Variants in KDM4C observed in about 807,000 individuals in gnomAD.
KDM4C encodes the protein lysine-specific demethylase 4C.
KDM4C carries 81 observed loss-of-function variants against 129.3 expected under a neutral mutation model. The observed-to-expected ratio is 0.63, with a 90% confidence interval of 0.52 to 0.75. The LOEUF is 0.75. KDM4C is among the 30% of genes least tolerant of loss of function. The pLI is 0.00. For missense variants in KDM4C, 1,457 were observed against 1,304.0 expected (o/e 1.12, Z -1.81); for synonymous variants, 573 against 456.1 (o/e 1.26, Z -3.26).
At chr9:7,138,644 T>C (rs6477163) in intron 19 of KDM4C, among the ~76,000 whole-genome samples, 130,829 of 151,894 alleles carry the variant, frequency 0.86, 56,724 homozygotes, top group African/African-American at 0.95. Context: ...GAAAGACCTC[T>C]TCTTTACAAA....
intron 8 of KDM4C, among the ~76,000 whole-genome samples, chr9:6,942,309 G>GTGTGTC (rs1826104496): frequency 6.6e-6 from 1 of 151,702 alleles, no homozygotes. Flanking sequence ...GTGTGTGTGT[G>GTGTGTC]TGTGTGTGTG....
intron 11 of KDM4C, 113 bp downstream of exon 11, chr9:6,986,779 A>T: frequency 2.7e-6 from 2 of 740,882 alleles, no homozygotes; most frequent in Admixed American, 2.9e-5. Context: ...ATAACATTTT[A>T]CATTTATGGG....
intron 8 of KDM4C, among the ~76,000 whole-genome samples, chr9:6,915,840 T>G (rs1397411277): frequency 6.6e-6 from 1 of 152,200 alleles, no homozygotes; most frequent in Non-Finnish European, 1.5e-5. Flanking sequence ...AAGTGTCAGG[T>G]TGCAGTTTGC....
At chr9:7,066,686 T>C (rs1291328042) in intron 17 of KDM4C, among the ~76,000 whole-genome samples, 1 of 152,222 alleles carries the variant, frequency 6.6e-6, no homozygotes, top group African/African-American at 2.4e-5. Flanking sequence ...CATGAAACAC[T>C]ATGCATTGTA....
chr9:6,760,575 TTTATTTA>T, intron 1 of KDM4C, among the ~76,000 whole-genome samples: 1 of 150,810 alleles, frequency 6.6e-6, no homozygotes, highest in East Asian at 1.9e-4. Flanking sequence ...TATTTATTTA[TTTATTTA>T]TTTTTTGAGA....
intron 15 of KDM4C, among the ~76,000 whole-genome samples, chr9:7,024,756 C>G (rs1825510045): frequency 6.6e-6 from 1 of 152,112 alleles, no homozygotes; most frequent in African/African-American, 2.4e-5. Flanking sequence ...GGGTTGATTC[C>G]AAGTCTTTGC....
At chr9:6,946,990 C>T (rs1463300338) in intron 8 of KDM4C, among the ~76,000 whole-genome samples, 2 of 152,176 alleles carry the variant, frequency 1.3e-5, no homozygotes, top group East Asian at 3.9e-4. Context: ...CCCAACTGGT[C>T]TAAGTCATAG....
At chr9:6,903,161 T>C (rs1053980239) in intron 8 of KDM4C, among the ~76,000 whole-genome samples, 3 of 152,204 alleles carry the variant, frequency 2.0e-5, no homozygotes, top group Non-Finnish European at 4.4e-5. Flanking sequence ...TTGTAAGGCC[T>C]GATAATCATT....
At chr9:7,092,106 C>G (rs1223859927) in intron 17 of KDM4C, among the ~76,000 whole-genome samples, 1 of 152,176 alleles carries the variant, frequency 6.6e-6, no homozygotes, top group Non-Finnish European at 1.5e-5. Flanking sequence ...TTATTACATT[C>G]TGCTGTTTCT....
intron 10 of KDM4C, among the ~76,000 whole-genome samples, chr9:6,985,084 C>T (rs1372849443): frequency 6.6e-6 from 1 of 152,162 alleles, no homozygotes; most frequent in Non-Finnish European, 1.5e-5. Flanking sequence ...AATCCGACTC[C>T]CTCTGCTGCT....
At chr9:6,974,332 C>G (rs1196486305) in intron 8 of KDM4C, among the ~76,000 whole-genome samples, 1 of 152,128 alleles carries the variant, frequency 6.6e-6, no homozygotes, top group East Asian at 1.9e-4. Flanking sequence ...TTATATTCAA[C>G]AATATGCATC....
At chr9:6,810,876 A>AAAAT (rs200594931) in intron 3 of KDM4C, among the ~76,000 whole-genome samples, 8 of 151,978 alleles carry the variant, frequency 5.3e-5, no homozygotes, top group Non-Finnish European at 8.8e-5. Flanking sequence ...TGTCTCCAAA[A>AAAAT]AAATAAATAA....
chr9:7,122,695 C>T (rs73639817), intron 18 of KDM4C, among the ~76,000 whole-genome samples: 377 of 152,226 alleles, frequency 2.5e-3, no homozygotes, highest in African/African-American at 8.4e-3. Flanking sequence ...ATGTCTGTAA[C>T]GTTTTTTTAC....
At chr9:6,855,860 G>A (rs1564169729) in intron 5 of KDM4C, among the ~76,000 whole-genome samples, 1 of 152,168 alleles carries the variant, frequency 6.6e-6, no homozygotes, top group Non-Finnish European at 1.5e-5. Flanking sequence ...GAGTTGGGGA[G>A]CCCCACTATT....
intron 18 of KDM4C, among the ~76,000 whole-genome samples, chr9:7,106,949 A>C (rs1837760962): frequency 6.6e-6 from 1 of 152,208 alleles, no homozygotes; most frequent in Admixed American, 6.5e-5. Context: ...GCTTGAAAAA[A>C]ATAGGGTAAA....
chr9:6,721,161 C>T, intron 1 of KDM4C: 1 of 451,960 alleles, frequency 2.2e-6, no homozygotes, highest in South Asian at 2.7e-5. Context: ...GCAGCCTCAA[C>T]ATCCCAGGCT....
intron 8 of KDM4C, among the ~76,000 whole-genome samples, chr9:6,910,364 C>G (rs1819067998): frequency 6.6e-6 from 1 of 152,038 alleles, no homozygotes; most frequent in Non-Finnish European, 1.5e-5. Context: ...TTACAACTGT[C>G]CTATAGAATA....
rs1817052445 is a variant in KDM4C, at chr9:6,899,605, G to T, written c.921+6373G>T. ...TAGCTCATGAGAAACCTCTACCTCTGGAGAGAGTGTTCACACATCTGGAAG... is the reference window on the plus strand; with the variant it reads ...TAGCTCATGAGAAACCTCTACCTCTTGAGAGAGTGTTCACACATCTGGAAG... On this transcript the variant is annotated intron_variant, in intron 8 of 21. Transcript: ENST00000381309. Among the ~76,000 whole-genome samples, 3 of 151,584 alleles carry T rather than the reference G, an allele frequency of 2.0e-5. No individual in the cohort carries two copies. The South Asian group carries it at 6.3e-4, about 32-fold the overall frequency.
intron 8 of KDM4C, among the ~76,000 whole-genome samples, chr9:6,949,684 A>G (rs113887344): frequency 2.0e-5 from 3 of 152,192 alleles, no homozygotes; most frequent in African/African-American, 7.2e-5. Context: ...ACCAAAAAAA[A>G]TACGAAAACC....
Sources: gnomAD v4.1 joint callset for allele counts (sites outside exome capture counted in the v4.1 genomes callset) on GRCh38, gnomAD v4.1.1 for gene constraint, MANE v1.5 for transcripts, NCBI Gene and HGNC (gene_info 2026-07-23, HGNC 2026-07-21) for gene names.